TRPV6: variants seen among roughly 807,000 people sequenced by gnomAD.
TRPV6 encodes the protein Alu-binding protein with zinc finger domain.
A neutral mutation model predicts 79.0 loss-of-function variants in TRPV6; 39 were observed. That is an observed-to-expected ratio of 0.49 (90% CI 0.38 to 0.64). TRPV6 has a LOEUF of 0.64. Among genes scored for constraint, TRPV6 ranks in the 30% least tolerant of loss-of-function variants. The pLI is 0.00. For missense variants in TRPV6, 813 were observed against 1,011.1 expected (o/e 0.80, Z 2.66); for synonymous variants, 373 against 391.9 (o/e 0.95, Z 0.57).
intron 1 of TRPV6, chr7:142,885,156 C>G: frequency 2.6e-6 from 1 of 383,148 alleles, no homozygotes; most frequent in Admixed American, 4.2e-5. Context: ...CTTGCAGAAT[C>G]GAATTAGATC....
At chr7:142,880,070 C>T (rs1795161892) in intron 1 of TRPV6, 1 of 152,156 alleles carries the variant, frequency 6.6e-6, no homozygotes, top group African/African-American at 2.4e-5. Context: ...AGCAGCAATG[C>T]CAAAAGGTGG....
Position 142,874,994 on chromosome 7 carries a change from G to A in TRPV6, c.1330-14C>T, listed in dbSNP as rs751084597. On this transcript the variant is annotated splice_polypyrimidine_tract_variant and intron_variant, in intron 9 of 14. Coordinates refer to ENST00000359396, the MANE Select transcript of TRPV6 (RefSeq NM_018646.6). The stretch of plus-strand genomic sequence containing the variant: ...GATGTCTGGAACCTGAAGAGGTCAG[G>A]GAGACACAAAGGCACTCAGATACCG... The A allele has an allele frequency of 1.2e-6, 2 of 1,613,978 alleles. No homozygotes were observed. Among genetic ancestry groups the A allele is most frequent in the Middle Eastern group, 1.6e-4 (1 of 6,082 alleles).
intron 14 of TRPV6, 139 bp from the exon 15 acceptor site, chr7:142,872,128 T>A: frequency 8.0e-7 from 1 of 1,252,700 alleles, no homozygotes; most frequent in Non-Finnish European, 1.1e-6. Flanking sequence ...GGTGGATGCC[T>A]GGGTCACTGG....
chr7:142,876,118 A>G (rs4987661), intron 6 of TRPV6: 71,684 of 672,546 alleles, frequency 0.11, 9,278 homozygotes, highest in African/African-American at 0.52. Context: ...TTTGGAAAGG[A>G]GAGACGAGAG....
At chr7:142,875,311 C>A (rs182209745) in intron 8 of TRPV6, 147 bp from the exon 9 acceptor site, 1 of 1,216,152 alleles carries the variant, frequency 8.2e-7, no homozygotes, top group Non-Finnish European at 1.2e-6. Context: ...AGAGTAAGAG[C>A]GTATGTGTGT....
At chr7:142,880,289 C>T (rs1795166817) in intron 1 of TRPV6, 1 of 152,258 alleles carries the variant, frequency 6.6e-6, no homozygotes, top group African/African-American at 2.4e-5. Flanking sequence ...ATCGCTAGCA[C>T]CACATACACA....
chr7:142,874,445 TG>T (rs755147426), intron 11 of TRPV6, 45 bp downstream of exon 11: 1 of 1,610,116 alleles, frequency 6.2e-7, no homozygotes. Context: ...GTCTGCTGAC[TG>T]TGGCTCTGGG....
rs373370643 is a variant in TRPV6, at chr7:142,877,310, C to G, written c.470-31G>C. 5 of 1,610,904 alleles carry G rather than the reference C, an allele frequency of 3.1e-6. No individual in the cohort carries two copies. In the African/African-American group the frequency reaches 6.7e-5, roughly 22 times the overall value. Reference sequence around the variant, plus strand: ...CCAGAGACAGCTGTCAGTCACGGGTCTGTCCCCAGGATCCTGCAGGGGGTC... The same window carrying G: ...CCAGAGACAGCTGTCAGTCACGGGTGTGTCCCCAGGATCCTGCAGGGGGTC... On this transcript the variant is annotated intron_variant, in intron 3 of 14. Transcript: ENST00000359396.
chr7:142,877,634 G>A lies in TRPV6; in HGVS notation c.469+17C>T, dbSNP rs1216780842. The A allele has an allele frequency of 6.2e-7, 1 of 1,613,208 alleles. No individual in the cohort carries two copies. Among genetic ancestry groups the A allele is most frequent in the Admixed American group, 1.7e-5 (1 of 59,876 alleles). On this transcript the variant is annotated intron_variant, in intron 3 of 14. Coordinates refer to ENST00000359396, the MANE Select transcript of TRPV6 (RefSeq NM_018646.6). ...CCAGTCACTCCTGCTCTTCACCCCA[G>A]ACCCGTGGGCCCTCACCCTCATAGA...
Position 142,878,583 on chromosome 7 carries a change from C to T in TRPV6, c.249-557G>A, listed in dbSNP as rs747916465. ...TCTCAGCAGAACCCTTTGATCCTGG[C>T]GCTTCCCTCCCAACAATAGCATCTT... On this transcript the variant is annotated intron_variant, in intron 1 of 14. Coordinates refer to ENST00000359396, the MANE Select transcript of TRPV6 (RefSeq NM_018646.6). The T allele has an allele frequency of 1.2e-4, 19 of 156,890 alleles. 1 individual carries two copies. The highest frequency in any genetic ancestry group is 5.5e-4 in the Admixed American group (9 of 16,406). 9.7% of individuals were successfully genotyped at this position (156,890 alleles called of 1,614,324 possible).
In TRPV6 at chr7:142,874,347, G is replaced by C. The variant is rs190597881; in HGVS notation, c.1572+144C>G. ...AAAGGGTTTCTACATTTTTTAAAAGGATTGTTAAAAAAGAAGAAAAACATG... is the reference window on the plus strand; with the variant it reads ...AAAGGGTTTCTACATTTTTTAAAAGCATTGTTAAAAAAGAAGAAAAACATG... On this transcript the variant is annotated intron_variant, in intron 11 of 14. Coordinates refer to ENST00000359396, the MANE Select transcript of TRPV6 (RefSeq NM_018646.6). 1.0e-4 allele frequency: 128 copies of C among 1,268,040 alleles called. No individual in the cohort carries two copies. In the East Asian group the frequency reaches 1.8e-3, roughly 18 times the overall value. 78.5% of individuals were successfully genotyped at this position (1,268,040 alleles called of 1,614,324 possible). A position where few individuals can be genotyped will look rare whatever the true frequency, so the allele number is the denominator to read the frequency against.
chr7:142,872,776 C>T (rs1227186705), intron 13 of TRPV6, among the ~76,000 whole-genome samples: 2 of 152,110 alleles, frequency 1.3e-5, no homozygotes, highest in Non-Finnish European at 2.9e-5. Flanking sequence ...TAAATATAAA[C>T]ATCCCACTTA....
In TRPV6 at chr7:142,878,042, A is replaced by G. The variant is rs912771652; in HGVS notation, c.249-16T>C. On this transcript the variant is annotated splice_polypyrimidine_tract_variant and intron_variant, in intron 1 of 14. Coordinates refer to ENST00000359396, the MANE Select transcript of TRPV6 (RefSeq NM_018646.6). Reference sequence around the variant, plus strand: ...CTCCCAGATCCTATGAAGGGATGGAATAGGAAAGCTGGAAACAGTGAGCAT... The same window carrying G: ...CTCCCAGATCCTATGAAGGGATGGAGTAGGAAAGCTGGAAACAGTGAGCAT... 1 of 1,607,898 alleles carries G rather than the reference A, an allele frequency of 6.2e-7. No individual in the cohort carries two copies. Among genetic ancestry groups the G allele is most frequent in the Non-Finnish European group, 8.5e-7 (1 of 1,174,316 alleles).
intron 1 of TRPV6, chr7:142,881,660 C>T (rs1397867969): frequency 6.6e-6 from 1 of 152,196 alleles, no homozygotes; most frequent in African/African-American, 2.4e-5. Context: ...ATTGAACGGT[C>T]TAGTTCAACA....
Position 142,871,392 on chromosome 7 carries a change from G to A in TRPV6, c.*315C>T, listed in dbSNP as rs112814549. ...TATGACCCTGGGGTGGAGACCGAGC[G>A]CCCAAGCAGGCTGGCCTGTTTTTAA... On this transcript the variant is annotated 3_prime_UTR_variant, in exon 15 of 15. Transcript: ENST00000359396. The A allele has an allele frequency of 9.1e-5, 40 of 439,848 alleles. No homozygotes were observed. The highest frequency in any genetic ancestry group is 4.6e-4 in the East Asian group (11 of 24,114). The allele number at this position is 439,848 out of a possible 1,614,324, so 27.2% of individuals were successfully genotyped here. A position where few individuals can be genotyped will look rare whatever the true frequency, so the allele number is the denominator to read the frequency against.
At chr7:142,875,016 A>G in intron 9 of TRPV6, 36 bp from the exon 10 acceptor site, 5 of 1,614,134 alleles carry the variant, frequency 3.1e-6, no homozygotes, top group Non-Finnish European at 4.2e-6. Context: ...GCACTCAGAT[A>G]CCGGAACTTG....
chr7:142,875,639 C>T lies in TRPV6; in HGVS notation c.1071G>A (p.Val357=). Residue 357 remains valine, a synonymous_variant, in exon 8 of 15, where the codon GTG becomes GTA. Transcript: ENST00000359396. ...GCCCGTACCGCTTCCACTTGAGGCT[C>T]ACCAGCTCCTTCACCGGCGTCTGGT... 1 of 1,613,880 alleles carries T rather than the reference C, an allele frequency of 6.2e-7. No individual in the cohort carries two copies. The highest frequency in any genetic ancestry group is 1.1e-5 in the South Asian group (1 of 91,048).
At chr7:142,878,192 TAC>T in intron 1 of TRPV6, 166 bp from the exon 2 acceptor site, 1 of 623,272 alleles carries the variant, frequency 1.6e-6, no homozygotes, top group Non-Finnish European at 2.9e-6. Flanking sequence ...CTTTTCTCTT[TAC>T]AGTCAGTAAA....
Position 142,871,857 on chromosome 7 carries a change from G to A in TRPV6, c.2148C>T (p.His716=), listed in dbSNP as rs777075271. ...ACACTGAGGGCATAGGAAGGGACAGGTGGGGGCTGAAGGGACAGCCCAGCT... is the reference window on the plus strand; with the variant it reads ...ACACTGAGGGCATAGGAAGGGACAGATGGGGGCTGAAGGGACAGCCCAGCT... Residue 716 remains histidine, a synonymous_variant, in exon 15 of 15, where the codon CAC becomes CAT. Coordinates refer to ENST00000359396, the MANE Select transcript of TRPV6 (RefSeq NM_018646.6). 6.2e-7 allele frequency: 1 copy of A among 1,614,220 alleles called. No homozygotes were observed. The highest frequency in any genetic ancestry group is 8.5e-7 in the Non-Finnish European group (1 of 1,180,030).
Sources: gnomAD v4.1 joint callset for allele counts (sites outside exome capture counted in the v4.1 genomes callset) on GRCh38, gnomAD v4.1.1 for gene constraint, MANE v1.5 for transcripts, NCBI Gene and HGNC (gene_info 2026-07-23, HGNC 2026-07-21) for gene names.